Variants in LTBP1 observed in about 807,000 individuals in gnomAD.
LTBP1 encodes latent-transforming growth factor beta-binding protein 1.
In LTBP1, 129 loss-of-function variants were observed where a neutral mutation model predicts 207.6. That is an observed-to-expected ratio of 0.62 (90% CI 0.54 to 0.72). The LOEUF (loss-of-function observed/expected upper bound fraction) is 0.72, where lower values mean the gene tolerates loss of function less well. LTBP1 is among the 30% of genes least tolerant of loss of function. The pLI is 0.00. For missense variants in LTBP1, 2,281 were observed against 2,217.2 expected, an observed-to-expected ratio of 1.03 and a Z score of -0.58; for synonymous variants, 963 against 833.7, an observed-to-expected ratio of 1.16 and a Z score of -2.67.
intron 2 of LTBP1, among the ~76,000 whole-genome samples, chr2:32,969,898 A>C (rs1680606109): frequency 6.6e-6 from 1 of 152,160 alleles, no homozygotes; most frequent in Non-Finnish European, 1.5e-5. Flanking sequence ...ACAGTGTATA[A>C]ACATTCCCTT....
intron 5 of LTBP1, among the ~76,000 whole-genome samples, chr2:33,182,406 T>C (rs11677677): frequency 0.021 from 3,186 of 152,116 alleles, 52 homozygotes; most frequent in Non-Finnish European, 0.034. Flanking sequence ...CTCACACCTG[T>C]AATCTCAGCA....
intron 2 of LTBP1, among the ~76,000 whole-genome samples, chr2:32,974,703 T>G (rs1681437508): frequency 6.6e-6 from 1 of 152,202 alleles, no homozygotes; most frequent in Non-Finnish European, 1.5e-5. Flanking sequence ...AATCTCTGCT[T>G]CTTTTTGTTT....
intron 2 of LTBP1, among the ~76,000 whole-genome samples, chr2:32,994,209 G>A (rs1344962059): frequency 6.6e-6 from 1 of 152,134 alleles, no homozygotes; most frequent in Non-Finnish European, 1.5e-5. Context: ...CCACCCACTC[G>A]AGTTAGCAAG....
Position 33,254,394 on chromosome 2 carries a change from C to T in LTBP1, c.2167+1550C>T, listed in dbSNP as rs187978751. On this transcript the variant is annotated intron_variant, in intron 11 of 33. Coordinates refer to ENST00000404816, the MANE Select transcript of LTBP1 (RefSeq NM_206943.4). ...ATAGCTTTATAATCCTTACATGAAG[C>T]ATAAATTGAGATGGTGACTGGAACT... 3.8e-3 allele frequency among the ~76,000 whole-genome samples: 575 copies of T among 152,046 alleles called. 2 individuals are homozygous for T. The highest frequency in any genetic ancestry group is 5.5e-3 in the Non-Finnish European group (376 of 67,994).
At chr2:33,083,653 G>A (rs915734611) in intron 3 of LTBP1, among the ~76,000 whole-genome samples, 3 of 152,170 alleles carry the variant, frequency 2.0e-5, no homozygotes, top group African/African-American at 7.2e-5. Flanking sequence ...CTCGTGCCCT[G>A]TGGACCTCAC....
At chr2:33,262,230 A>C (rs754764827) in intron 13 of LTBP1, among the ~76,000 whole-genome samples, 1 of 152,240 alleles carries the variant, frequency 6.6e-6, no homozygotes, top group African/African-American at 2.4e-5. Context: ...AGAAGGCCAT[A>C]GTAACTGACT....
intron 5 of LTBP1, among the ~76,000 whole-genome samples, chr2:33,168,417 GAAAA>G (rs1230773960): frequency 7.2e-6 from 1 of 138,408 alleles, no homozygotes; most frequent in East Asian, 2.1e-4. Flanking sequence ...AAAAAAAAAA[GAAAA>G]AAGAAAAAAA....
In LTBP1 at chr2:33,353,859, C is replaced by CATTT. The variant is rs777108878; in HGVS notation, c.4000+6349_4000+6350insATTT. Among the ~76,000 whole-genome samples the CATTT allele has an allele frequency of 5.3e-5, 6 of 113,112 alleles. 1 individual carries two copies. Among genetic ancestry groups the CATTT allele is most frequent in the Admixed American group, 8.8e-5 (1 of 11,396 alleles). 74.2% of individuals were successfully genotyped at this position (113,112 alleles called of 152,430 possible). A position where few individuals can be genotyped will look rare whatever the true frequency, so the allele number is the denominator to read the frequency against. Reference sequence around the variant, plus strand: ...ACACTACAGGTTTTGTGCATGTACGCCTTTTTTTTTTTTTTTTTGAGACTG... The same window carrying CATTT: ...ACACTACAGGTTTTGTGCATGTACGCATTTCTTTTTTTTTTTTTTTTTGAGACTG... On this transcript the variant is annotated intron_variant, in intron 26 of 33. Transcript: ENST00000404816.
chr2:32,956,920 A>G (rs943993327), intron 2 of LTBP1, among the ~76,000 whole-genome samples: 2 of 152,214 alleles, frequency 1.3e-5, no homozygotes, highest in African/African-American at 4.8e-5. Context: ...ATCACAGCTT[A>G]CAGGTGACCA....
In LTBP1 at chr2:33,280,161, A is replaced by T. The variant is rs745829080; in HGVS notation, c.3112+3A>T. 6.2e-6 allele frequency: 10 copies of T among 1,612,894 alleles called. No individual in the cohort carries two copies. Among genetic ancestry groups the T allele is most frequent in the African/African-American group, 1.3e-5 (1 of 74,866 alleles). ...AGGCTGGAATGGACAGTGCCTTGGT[A>T]GGTACTATAGTGTACTTATCAAAGA... On this transcript the variant is annotated splice_donor_region_variant and intron_variant, in intron 19 of 33. Transcript: ENST00000404816.
chr2:33,149,088 G>A (rs1414761815), intron 5 of LTBP1, among the ~76,000 whole-genome samples: 5 of 151,996 alleles, frequency 3.3e-5, no homozygotes, highest in African/African-American at 7.2e-5. Context: ...GGTGGCAGGC[G>A]CCTGCAGTCC....
At chr2:33,330,583 A>G (rs1003810326) in intron 24 of LTBP1, among the ~76,000 whole-genome samples, 2 of 151,376 alleles carry the variant, frequency 1.3e-5, no homozygotes, top group African/African-American at 4.8e-5. Flanking sequence ...ATTTTAACAG[A>G]TGGTTTTTCT....
chr2:33,324,604 C>G (rs1448804912), intron 24 of LTBP1, among the ~76,000 whole-genome samples: 1 of 151,136 alleles, frequency 6.6e-6, no homozygotes, highest in Admixed American at 6.6e-5. Flanking sequence ...ATGCTTACAA[C>G]ATATATAACA....
intron 3 of LTBP1, among the ~76,000 whole-genome samples, chr2:33,057,174 C>T (rs1404125370): frequency 6.6e-6 from 1 of 151,518 alleles, no homozygotes; most frequent in East Asian, 1.9e-4. Flanking sequence ...GATCCAAGTC[C>T]CCACCAGATT....
At chr2:32,957,459 A>G (rs758064536) in intron 2 of LTBP1, among the ~76,000 whole-genome samples, 15 of 152,212 alleles carry the variant, frequency 9.9e-5, no homozygotes, top group Non-Finnish European at 1.8e-4. Context: ...GCCCAGGGAA[A>G]GGGAGAGAGA....
chr2:33,196,037 C>T lies in LTBP1; in HGVS notation c.1701+7186C>T, dbSNP rs118114009. 2.6e-4 allele frequency among the ~76,000 whole-genome samples: 40 copies of T among 152,270 alleles called. No individual in the cohort carries two copies. In the East Asian group the frequency reaches 7.7e-3, roughly 29 times the overall value. ...TTAAGGTATGTACTTTAAAGCATAGCGCTACTGCAAACTTAATAGACGACA... is the reference window on the plus strand; with the variant it reads ...TTAAGGTATGTACTTTAAAGCATAGTGCTACTGCAAACTTAATAGACGACA... On this transcript the variant is annotated intron_variant, in intron 7 of 33. Transcript: ENST00000404816.
At chr2:33,291,534 T>G (rs1347639413) in intron 19 of LTBP1, 1 of 152,222 alleles carries the variant, frequency 6.6e-6, no homozygotes, top group East Asian at 1.9e-4. Context: ...GTTGTTTGCC[T>G]TCAGTGTTTA....
intron 5 of LTBP1, among the ~76,000 whole-genome samples, chr2:33,177,711 T>C (rs1014211426): frequency 1.3e-5 from 2 of 152,022 alleles, no homozygotes; most frequent in Non-Finnish European, 2.9e-5. Context: ...CTAAGCACAG[T>C]AGAGGAATGG....
intron 2 of LTBP1, among the ~76,000 whole-genome samples, chr2:32,954,610 A>G (rs75665013): frequency 0.11 from 15,942 of 142,090 alleles, 1,077 homozygotes; most frequent in Non-Finnish European, 0.16. Context: ...TATCTCCAAC[A>G]GTGGTCACAT....
Sources: gnomAD v4.1 joint callset for allele counts (sites outside exome capture counted in the v4.1 genomes callset) on GRCh38, gnomAD v4.1.1 for gene constraint, MANE v1.5 for transcripts, NCBI Gene and HGNC (gene_info 2026-07-23, HGNC 2026-07-21) for gene names.